Variants in AGBL1 observed in about 807,000 individuals in gnomAD.
The protein encoded by AGBL1 is cytosolic carboxypeptidase 4.
Under a neutral mutation model 118.9 loss-of-function variants are expected in AGBL1, and 130 were observed. The observed-to-expected ratio is 1.09, with a 90% CI of 0.95 to 1.26. The LOEUF (loss-of-function observed/expected upper bound fraction) is 1.26. Ranked by LOEUF, AGBL1 falls within the 50% of genes most tolerant of loss-of-function variation. The pLI is 0.00. For missense variants in AGBL1, 1,584 were observed against 1,298.1 expected, an observed-to-expected ratio of 1.22 and a Z score of -3.38; for synonymous variants, 555 against 478.9, an observed-to-expected ratio of 1.16 and a Z score of -2.08.
chr15:86,989,405 A>G (rs141614492), intron 24 of AGBL1, among the ~76,000 whole-genome samples: 9 of 152,242 alleles, frequency 5.9e-5, no homozygotes, highest in African/African-American at 2.2e-4. Flanking sequence ...CTTCTAGTCT[A>G]TGTATGATAA....
chr15:86,752,614 G>A (rs1222345487), intron 22 of AGBL1, among the ~76,000 whole-genome samples: 1 of 152,042 alleles, frequency 6.6e-6, no homozygotes, highest in Admixed American at 6.6e-5. Context: ...CCCATTGCCA[G>A]GGGCCAGAGG....
intron 24 of AGBL1, among the ~76,000 whole-genome samples, chr15:86,998,938 G>A (rs868456453): frequency 6.6e-6 from 1 of 151,080 alleles, no homozygotes; most frequent in African/African-American, 2.4e-5. Flanking sequence ...ATGTATACAT[G>A]TGCCATGTTG....
chr15:86,448,089 G>A (rs1400899501), intron 18 of AGBL1, among the ~76,000 whole-genome samples: 2 of 152,190 alleles, frequency 1.3e-5, no homozygotes, highest in Non-Finnish European at 2.9e-5. Flanking sequence ...AGGTTGCGGT[G>A]AGCTGAGATC....
At chr15:86,226,260 C>T (rs1046926592) in intron 6 of AGBL1, among the ~76,000 whole-genome samples, 3 of 152,142 alleles carry the variant, frequency 2.0e-5, no homozygotes, top group African/African-American at 4.8e-5. Context: ...TCTGCTCCCT[C>T]GGTTGCTCCC....
At chr15:86,898,038 C>G (rs1283483765) in intron 22 of AGBL1, among the ~76,000 whole-genome samples, 1 of 151,998 alleles carries the variant, frequency 6.6e-6, no homozygotes, top group East Asian at 1.9e-4. Flanking sequence ...CTACCGAGTG[C>G]TGGGACTACA....
At position 86,546,055 on chromosome 15, in the gene AGBL1, C is replaced by T; in HGVS notation, c.2739C>T (p.Gly913=). The change falls in exon 20 of 23, where the codon GGC becomes GGT. Residue 913 remains glycine, a synonymous_variant. Transcript: ENST00000614907. ...AAAAGAAGAATGTGTTCCTTTATGG[C>T]TGTAGCATCAAGGAAACCTTGTGGC... ...HSQKKNVFLY[G]CSIKETLWQA... The T allele has an allele frequency of 6.2e-7, 1 of 1,613,260 alleles. No individual in the cohort carries two copies. Among genetic ancestry groups the T allele is most frequent in the Non-Finnish European group, 8.5e-7 (1 of 1,179,430 alleles).
At chr15:86,091,003 T>G (rs1945192358) in intron 1 of AGBL1, among the ~76,000 whole-genome samples, 2 of 152,172 alleles carry the variant, frequency 1.3e-5, no homozygotes, top group Admixed American at 6.5e-5. Flanking sequence ...GATATACCTA[T>G]TTATTTAAAT....
At chr15:86,920,370 C>T (rs1024232520), downstream of AGBL1, among the ~76,000 whole-genome samples, 1 of 152,180 alleles carries the variant, frequency 6.6e-6, no homozygotes, top group African/African-American at 2.4e-5. Context: ...TTTACTTCTA[C>T]TAGCCAGAAA....
intron 24 of AGBL1, among the ~76,000 whole-genome samples, chr15:87,006,028 A>T (rs2081497540): frequency 6.6e-6 from 1 of 152,198 alleles, no homozygotes; most frequent in Non-Finnish European, 1.5e-5. Flanking sequence ...GAACAGCAAA[A>T]GTTGCTGTCT....
intron 17 of AGBL1, among the ~76,000 whole-genome samples, chr15:86,367,788 T>A (rs1366820619): frequency 6.6e-6 from 1 of 152,120 alleles, no homozygotes; most frequent in East Asian, 1.9e-4. Flanking sequence ...AGATAAAATA[T>A]AATTTAAACA....
chr15:86,828,289 A>C (rs954771579), intron 22 of AGBL1, among the ~76,000 whole-genome samples: 1 of 151,998 alleles, frequency 6.6e-6, no homozygotes, highest in Non-Finnish European at 1.5e-5. Flanking sequence ...TCATTCTGGC[A>C]GGCTGAATAA....
intron 6 of AGBL1, among the ~76,000 whole-genome samples, chr15:86,240,608 A>G (rs2078626675): frequency 6.6e-6 from 1 of 152,142 alleles, no homozygotes; most frequent in African/African-American, 2.4e-5. Flanking sequence ...TTGGAAGGAA[A>G]CTTTGGAGAG....
At chr15:86,863,005 C>G (rs2079579845) in intron 22 of AGBL1, among the ~76,000 whole-genome samples, 1 of 152,168 alleles carries the variant, frequency 6.6e-6, no homozygotes, top group African/African-American at 2.4e-5. Context: ...TGCCAATAGG[C>G]TTGCTGAGGG....
intron 18 of AGBL1, among the ~76,000 whole-genome samples, chr15:86,493,045 T>G (rs555395561): frequency 4.6e-5 from 7 of 152,156 alleles, no homozygotes; most frequent in African/African-American, 1.7e-4. Context: ...AATACAAAAA[T>G]TAGCTGGGCA....
At chr15:86,516,851 G>T (rs942967012) in intron 18 of AGBL1, among the ~76,000 whole-genome samples, 1 of 151,314 alleles carries the variant, frequency 6.6e-6, no homozygotes, top group Non-Finnish European at 1.5e-5. Flanking sequence ...ATTGATGCAA[G>T]TGATGCGGTA....
intron 22 of AGBL1, among the ~76,000 whole-genome samples, chr15:86,815,959 C>T (rs1029091452): frequency 8.5e-5 from 13 of 152,086 alleles, no homozygotes; most frequent in Non-Finnish European, 1.8e-4. Context: ...ATGCTTTAGA[C>T]CTGTTGAGTC....
intron 21 of AGBL1, among the ~76,000 whole-genome samples, chr15:86,616,705 T>G (rs1202990753): frequency 1.3e-5 from 2 of 152,204 alleles, no homozygotes; most frequent in Non-Finnish European, 2.9e-5. Context: ...AAATATTTGG[T>G]TGATTAATGA....
chr15:86,730,675 A>G (rs1001752237), intron 22 of AGBL1, among the ~76,000 whole-genome samples: 2 of 152,200 alleles, frequency 1.3e-5, no homozygotes, highest in African/African-American at 4.8e-5. Context: ...TCATCTGGCA[A>G]TAATGATAGT....
At chr15:86,841,012 CT>C (rs1218706021) in intron 22 of AGBL1, among the ~76,000 whole-genome samples, 2 of 152,148 alleles carry the variant, frequency 1.3e-5, no homozygotes, top group Non-Finnish European at 2.9e-5. Context: ...TACAAGATTA[CT>C]TTTTTTCAGT....
Sources: allele counts gnomAD v4.1 joint callset (sites outside exome capture counted in the v4.1 genomes callset), GRCh38; gene constraint gnomAD v4.1.1; transcripts MANE v1.5; gene names NCBI Gene and HGNC (gene_info 2026-07-23, HGNC 2026-07-21).